Variants in STX8 observed in about 807,000 individuals in gnomAD.
STX8 encodes the protein syntaxin 8.
Under a neutral mutation model 37.5 loss-of-function variants are expected in STX8, and 23 were observed. That is an observed-to-expected ratio of 0.61 (90% CI 0.44 to 0.87). STX8 has a LOEUF of 0.87. STX8 is among the 40% of genes least tolerant of loss of function. STX8 has a pLI of 0.00. For missense variants in STX8, 313 were observed against 284.7 expected, an observed-to-expected ratio of 1.10 and a Z score of -0.71; for synonymous variants, 115 against 99.1, an observed-to-expected ratio of 1.16 and a Z score of -0.95.
chr17:9,431,347 G>A (rs1913967856), intron 6 of STX8, among the ~76,000 whole-genome samples: 1 of 151,508 alleles, frequency 6.6e-6, no homozygotes, highest in South Asian at 2.1e-4. Context: ...GGGATTACAG[G>A]TGTGAGCCAC....
chr17:9,430,094 T>G lies in STX8; in HGVS notation c.542-51441A>C, dbSNP rs528663854. 1.7e-3 allele frequency among the ~76,000 whole-genome samples: 87 copies of G among 52,520 alleles called. 4 individuals carry two copies. Among genetic ancestry groups the G allele is most frequent in the Non-Finnish European group, 2.1e-3 (54 of 26,308 alleles). The allele number at this position is 52,520 out of a possible 152,430, so 34.5% of individuals were successfully genotyped here. A position where few individuals can be genotyped will look rare whatever the true frequency, so the allele number is the denominator to read the frequency against. On this transcript the variant is annotated intron_variant, in intron 6 of 7. Transcript: ENST00000306357. ...TTCTATATAATATATATATTCTATA[T>G]AATATATATATTTTATATATAAATA...
At chr17:9,557,970 C>T (rs895218839) in intron 2 of STX8, among the ~76,000 whole-genome samples, 1 of 152,224 alleles carries the variant, frequency 6.6e-6, no homozygotes, top group African/African-American at 2.4e-5. Context: ...AGTCCCATTA[C>T]CATCCCCACC....
At chr17:9,357,140 G>A (rs4791833) in intron 7 of STX8, among the ~76,000 whole-genome samples, 14,003 of 151,558 alleles carry the variant, frequency 0.092, 838 homozygotes, top group Middle Eastern at 0.17. Context: ...GCTAATTTTT[G>A]TATTTTTAGA....
intron 7 of STX8, among the ~76,000 whole-genome samples, chr17:9,372,785 T>G (rs1488714040): frequency 6.7e-6 from 1 of 150,358 alleles, no homozygotes; most frequent in Admixed American, 6.6e-5. Context: ...CCTCATTTTT[T>G]TTTTTTTTTT....
At chr17:9,460,252 C>T (rs1342750001) in intron 6 of STX8, among the ~76,000 whole-genome samples, 1 of 152,164 alleles carries the variant, frequency 6.6e-6, no homozygotes, top group Non-Finnish European at 1.5e-5. Flanking sequence ...CAACTGTTCC[C>T]TCACTCCACA....
At chr17:9,567,843 G>A (rs1907523128) in intron 2 of STX8, among the ~76,000 whole-genome samples, 1 of 152,022 alleles carries the variant, frequency 6.6e-6, no homozygotes, top group African/African-American at 2.4e-5. Flanking sequence ...GTGCCACCAC[G>A]CCTGGCTAGG....
At chr17:9,455,472 C>G (rs914001511) in intron 6 of STX8, among the ~76,000 whole-genome samples, 1 of 152,118 alleles carries the variant, frequency 6.6e-6, no homozygotes, top group Non-Finnish European at 1.5e-5. Context: ...TGCACTCCAG[C>G]CTGGGCGACA....
intron 1 of STX8, among the ~76,000 whole-genome samples, chr17:9,572,535 G>A (rs1907724444): frequency 6.6e-6 from 1 of 152,090 alleles, no homozygotes; most frequent in Admixed American, 6.6e-5. Context: ...TCAGCCTCCT[G>A]AGTAGCTGGG....
intron 6 of STX8, among the ~76,000 whole-genome samples, chr17:9,392,155 T>C (rs989644341): frequency 6.6e-6 from 1 of 152,180 alleles, no homozygotes; most frequent in Non-Finnish European, 1.5e-5. Context: ...CTGTAGGATT[T>C]AAACCAACAG....
chr17:9,401,705 T>C (rs1346881140), intron 6 of STX8, among the ~76,000 whole-genome samples: 1 of 152,182 alleles, frequency 6.6e-6, no homozygotes, highest in Non-Finnish European at 1.5e-5. Context: ...TATTTCTCTT[T>C]CTTATAGGAG....
chr17:9,572,261 C>G (rs1331372346), intron 1 of STX8, among the ~76,000 whole-genome samples: 1 of 152,144 alleles, frequency 6.6e-6, no homozygotes, highest in Non-Finnish European at 1.5e-5. Context: ...TGTTAAACAG[C>G]GAGCTTACCA....
chr17:9,285,390 A>G (rs1195284395), intron 7 of STX8, among the ~76,000 whole-genome samples: 1 of 150,572 alleles, frequency 6.6e-6, no homozygotes, highest in Non-Finnish European at 1.5e-5. Context: ...AGCAGAAACC[A>G]GTGTAGAGGT....
intron 6 of STX8, among the ~76,000 whole-genome samples, chr17:9,395,594 C>CA (rs1265476422): frequency 2.0e-5 from 3 of 152,048 alleles, no homozygotes; most frequent in South Asian, 2.1e-4. Context: ...CAAAACAAAA[C>CA]AAAAAAATGC....
intron 1 of STX8, among the ~76,000 whole-genome samples, chr17:9,574,871 A>T (rs1164037772): frequency 6.6e-6 from 1 of 152,240 alleles, no homozygotes; most frequent in African/African-American, 2.4e-5. Context: ...TGCTAAATTA[A>T]ATAATTGGCC....
intron 7 of STX8, among the ~76,000 whole-genome samples, chr17:9,281,214 G>T (rs1332393716): frequency 6.6e-6 from 1 of 152,196 alleles, no homozygotes; most frequent in Non-Finnish European, 1.5e-5. Flanking sequence ...GATGACAGAG[G>T]CTGAAGTCAA....
At chr17:9,284,513 T>C (rs1020473692) in intron 7 of STX8, among the ~76,000 whole-genome samples, 6 of 152,224 alleles carry the variant, frequency 3.9e-5, no homozygotes, top group Non-Finnish European at 8.8e-5. Flanking sequence ...ACATGTTTTT[T>C]TGGACCTCAG....
chr17:9,265,585 G>A (rs1005571758), intron 7 of STX8, among the ~76,000 whole-genome samples: 3 of 152,230 alleles, frequency 2.0e-5, no homozygotes, highest in African/African-American at 4.8e-5. Flanking sequence ...CTCAATACAC[G>A]TTTACTCAAC....
At chr17:9,557,960 A>G (rs542210858) in intron 2 of STX8, among the ~76,000 whole-genome samples, 36 of 152,366 alleles carry the variant, frequency 2.4e-4, no homozygotes, top group African/African-American at 8.7e-4. Context: ...CAAAGCATGG[A>G]GTCCCATTAC....
At chr17:9,411,174 C>T (rs186261621) in intron 6 of STX8, among the ~76,000 whole-genome samples, 2 of 152,300 alleles carry the variant, frequency 1.3e-5, no homozygotes, top group Admixed American at 6.5e-5. Context: ...TATATCACTT[C>T]TGAAAGGACC....
Sources: allele counts gnomAD v4.1 joint callset (sites outside exome capture counted in the v4.1 genomes callset), GRCh38; gene constraint gnomAD v4.1.1; transcripts MANE v1.5; gene names NCBI Gene and HGNC (gene_info 2026-07-23, HGNC 2026-07-21).